The following AUH variants were observed in gnomAD, a reference collection of about 807,000 sequenced individuals.
AUH encodes the protein AU RNA binding methylglutaconyl-CoA hydratase.
In AUH, 29 loss-of-function variants were observed where a neutral mutation model predicts 42.3. The observed-to-expected ratio is 0.69, with a 90% CI of 0.51 to 0.93. The LOEUF is 0.93. Ranked by LOEUF, AUH falls within the 40% of genes least tolerant of loss-of-function variation. The pLI is 0.00. For synonymous variants in AUH, 174 were observed against 166.4 expected (o/e 1.05, Z -0.35); for missense variants, 452 against 438.1 (o/e 1.03, Z -0.28).
At chr9:91,281,067 A>T (rs1359621850) in intron 6 of AUH, among the ~76,000 whole-genome samples, 6 of 152,096 alleles carry the variant, frequency 3.9e-5, no homozygotes, top group Non-Finnish European at 8.8e-5. Context: ...CCAAATTAGG[A>T]AAGTTTTCAA....
intron 6 of AUH, among the ~76,000 whole-genome samples, chr9:91,238,485 A>G (rs1828316188): frequency 6.6e-6 from 1 of 152,186 alleles, no homozygotes; most frequent in Non-Finnish European, 1.5e-5. Flanking sequence ...TAGCATAGAG[A>G]ATAAAACTGG....
chr9:91,320,438 A>T (rs117865205), intron 4 of AUH, among the ~76,000 whole-genome samples: 3,392 of 152,270 alleles, frequency 0.022, 213 homozygotes, highest in East Asian at 0.22. Flanking sequence ...CCACTCATAC[A>T]CTGCCCAGTG....
At chr9:91,319,218 A>G (rs1829387459) in intron 4 of AUH, among the ~76,000 whole-genome samples, 1 of 152,076 alleles carries the variant, frequency 6.6e-6, no homozygotes, top group Non-Finnish European at 1.5e-5. Flanking sequence ...TGTTCCTTGT[A>G]TTGTTGCTTT....
chr9:91,227,153 T>G (rs1314612385), intron 6 of AUH, among the ~76,000 whole-genome samples: 1 of 150,880 alleles, frequency 6.6e-6, no homozygotes, highest in Non-Finnish European at 1.5e-5. Context: ...AGTATGGCCA[T>G]TTTCACGATA....
At chr9:91,264,129 T>C (rs1829845264) in intron 6 of AUH, among the ~76,000 whole-genome samples, 2 of 152,306 alleles carry the variant, frequency 1.3e-5, no homozygotes, top group South Asian at 2.1e-4. Flanking sequence ...CACACACATA[T>C]ATGTGTTATA....
At chr9:91,256,047 CT>C (rs1465393816) in intron 6 of AUH, among the ~76,000 whole-genome samples, 1 of 151,996 alleles carries the variant, frequency 6.6e-6, no homozygotes, top group Non-Finnish European at 1.5e-5. Context: ...TCAGTTATAT[CT>C]TATCTTAGAA....
chr9:91,343,032 A>G (rs1219146287), intron 3 of AUH: 2 of 152,250 alleles, frequency 1.3e-5, no homozygotes, highest in African/African-American at 4.8e-5. Flanking sequence ...GTAAGAATAA[A>G]GCATATAATA....
intron 4 of AUH, among the ~76,000 whole-genome samples, chr9:91,301,398 T>G (rs1239716357): frequency 6.6e-6 from 1 of 152,222 alleles, no homozygotes; most frequent in African/African-American, 2.4e-5. Context: ...TAATAAAAAC[T>G]ATTTTTAAGT....
chr9:91,246,592 G>A (rs1235215438), intron 6 of AUH, among the ~76,000 whole-genome samples: 1 of 152,128 alleles, frequency 6.6e-6, no homozygotes, highest in Non-Finnish European at 1.5e-5. Context: ...AAACACTGAG[G>A]ACCAAAATAA....
At position 91,217,372 on chromosome 9, in the gene AUH, A is replaced by T. The variant is rs567397989; in HGVS notation, c.844-45T>A. Reference sequence around the variant, plus strand: ...AACAGACTTCAATTATTTTTTATGCAAATTATGTCGTATATCTCAGTAAAA... The same window carrying T: ...AACAGACTTCAATTATTTTTTATGCTAATTATGTCGTATATCTCAGTAAAA... On this transcript the variant is annotated intron_variant, in intron 7 of 9. Coordinates refer to ENST00000375731, the MANE Select transcript of AUH (RefSeq NM_001698.3). The T allele has an allele frequency of 1.9e-6, 3 of 1,574,512 alleles. No homozygotes were observed. In the East Asian group the frequency reaches 6.7e-5, roughly 35 times the overall value.
At chr9:91,313,428 G>C (rs541272534) in intron 4 of AUH, among the ~76,000 whole-genome samples, 1 of 152,030 alleles carries the variant, frequency 6.6e-6, no homozygotes, top group Non-Finnish European at 1.5e-5. Context: ...AAACTTGGCC[G>C]GGCGCGGTGG....
intron 6 of AUH, among the ~76,000 whole-genome samples, chr9:91,286,091 C>G (rs1826383664): frequency 6.6e-6 from 1 of 151,822 alleles, no homozygotes; most frequent in Non-Finnish European, 1.5e-5. Context: ...TCAAATTTAC[C>G]CTCACAGGAT....
At chr9:91,325,694 T>C (rs1829920208) in intron 3 of AUH, among the ~76,000 whole-genome samples, 1 of 152,226 alleles carries the variant, frequency 6.6e-6, no homozygotes. Flanking sequence ...TACTGATCTA[T>C]AGTTACTCTA....
intron 6 of AUH, among the ~76,000 whole-genome samples, chr9:91,266,859 T>TA (rs1352411065): frequency 1.3e-5 from 2 of 152,200 alleles, no homozygotes; most frequent in African/African-American, 4.8e-5. Flanking sequence ...TAAACATATA[T>TA]TTTAAGGGTT....
intron 6 of AUH, among the ~76,000 whole-genome samples, chr9:91,253,039 A>C (rs1367296111): frequency 6.6e-6 from 1 of 152,230 alleles, no homozygotes; most frequent in Non-Finnish European, 1.5e-5. Flanking sequence ...TTCATCATAC[A>C]ATTTCTTAAA....
chr9:91,268,835 T>A (rs1032455054), intron 6 of AUH, among the ~76,000 whole-genome samples: 1 of 152,204 alleles, frequency 6.6e-6, no homozygotes, highest in Non-Finnish European at 1.5e-5. Flanking sequence ...CATATTCAAT[T>A]GTGATGCTTC....
intron 7 of AUH, chr9:91,218,760 C>T: frequency 1.0e-6 from 1 of 984,572 alleles, no homozygotes; most frequent in Non-Finnish European, 1.2e-6. Context: ...ATACAGATAT[C>T]ACCTAGAAAT....
rs536358085 is a variant in AUH, at chr9:91,292,037, T to C, written c.655+3984A>G. Among the ~76,000 whole-genome samples, 5 of 152,162 alleles carry C rather than the reference T, an allele frequency of 3.3e-5. No individual in the cohort carries two copies. In the East Asian group the frequency reaches 9.7e-4, roughly 29 times the overall value. ...TCACAAAATGGGAATGCCTCCAAATTCTCTGAATCAAAAGACCAAAAATTT... is the reference window on the plus strand; with the variant it reads ...TCACAAAATGGGAATGCCTCCAAATCCTCTGAATCAAAAGACCAAAAATTT... On this transcript the variant is annotated intron_variant, in intron 6 of 9. Transcript: ENST00000375731.
chr9:91,338,185 C>A (rs1236797938), intron 3 of AUH, among the ~76,000 whole-genome samples: 1 of 152,176 alleles, frequency 6.6e-6, no homozygotes, highest in South Asian at 2.1e-4. Context: ...AGTGAAGTGT[C>A]CTTTCACTAA....
Sources: gnomAD v4.1 joint callset for allele counts (sites outside exome capture counted in the v4.1 genomes callset) on GRCh38, gnomAD v4.1.1 for gene constraint, MANE v1.5 for transcripts, NCBI Gene and HGNC (gene_info 2026-07-23, HGNC 2026-07-21) for gene names.